The following SARS1 variants were observed in gnomAD, a reference collection of about 807,000 sequenced individuals.
SARS1 encodes seryl-tRNA synthetase 1, also known as serine--tRNA ligase, cytoplasmic.
SARS1 carries 25 observed loss-of-function variants against 63.7 expected under a neutral mutation model. The ratio of observed to expected loss-of-function variants is 0.39; its 90% confidence interval spans 0.29 to 0.55. SARS1 has a LOEUF of 0.55. Ranked by LOEUF, SARS1 falls within the 20% of genes least tolerant of loss-of-function variation. The pLI is 0.62. For synonymous variants in SARS1, 231 were observed against 243.5 expected (o/e 0.95, Z 0.48); for missense variants, 417 against 649.7 (o/e 0.64, Z 3.89).
chr1:109,235,737 C>T lies in SARS1; in HGVS notation c.970-240C>T, dbSNP rs757866387. Among the ~76,000 whole-genome samples the T allele has an allele frequency of 6.6e-6, 1 of 152,144 alleles. No individual in the cohort carries two copies. Among genetic ancestry groups the T allele is most frequent in the Non-Finnish European group, 1.5e-5 (1 of 68,018 alleles). ...GCCTGCCTCACCAGGCCTATTGTGG[C>T]CTATTGTGAGGATTATCCCAGTCAC... On this transcript the variant is annotated intron_variant, in intron 7 of 10. Transcript: ENST00000234677. The surrounding 1 kb of genome is among the most constrained non-coding windows in gnomAD (Gnocchi z 4.7).
intron 1 of SARS1, among the ~76,000 whole-genome samples, chr1:109,219,606 G>A (rs3118502): frequency 0.72 from 109,325 of 150,950 alleles, 41,033 homozygotes; most frequent in East Asian, 0.93. Context: ...TCCGCCTCCC[G>A]GGCTCACACC....
rs1461907081 is a variant in SARS1, at chr1:109,235,178, C to G, written c.748-32C>G. 1 of 1,560,176 alleles carries G rather than the reference C, an allele frequency of 6.4e-7. No homozygotes were observed. On this transcript the variant is annotated intron_variant, in intron 6 of 10. Transcript: ENST00000234677. The surrounding 1 kb of genome is among the most constrained non-coding windows in gnomAD (Gnocchi z 4.7). The stretch of plus-strand genomic sequence containing the variant: ...TTCTAGCCAAGGTCCTCCCCACTTC[C>G]TCTTAACTGGTATAGCTCCTTCCTT...
intron 6 of SARS1, among the ~76,000 whole-genome samples, chr1:109,233,862 A>ATTTTTTTTTTTTT (rs1164453054): frequency 3.0e-5 from 2 of 65,968 alleles, no homozygotes; most frequent in Non-Finnish European, 5.4e-5. Flanking sequence ...CACCTGGCTA[A>ATTTTTTTTTTTTT]TTTTTTTTTT....
intron 1 of SARS1, among the ~76,000 whole-genome samples, chr1:109,219,262 C>CATATATATAGATATATATATATATAT (rs1654866336): frequency 1.3e-5 from 1 of 76,936 alleles, no homozygotes; most frequent in Non-Finnish European, 2.8e-5. Flanking sequence ...CAAGACTCTC[C>CATATATATAGATATATATATATATAT]ATATATATAT....
At chr1:109,226,067 A>C (rs1006081928) in intron 2 of SARS1, among the ~76,000 whole-genome samples, 4 of 151,264 alleles carry the variant, frequency 2.6e-5, no homozygotes, top group African/African-American at 9.7e-5. Flanking sequence ...ATCATGGCTC[A>C]CTGCAGCCTC....
At chr1:109,227,917 CAA>C (rs5776968) in intron 2 of SARS1, among the ~76,000 whole-genome samples, 35 of 121,820 alleles carry the variant, frequency 2.9e-4, no homozygotes, top group African/African-American at 1.9e-4. Flanking sequence ...GAGACTCCGT[CAA>C]AAAAAAAAAA....
Position 109,231,669 on chromosome 1 carries a change from T to C in SARS1, c.630T>C (p.Tyr210=). ...TCCTGGAACAGGCTCTCATCCAGTA[T>C]GCCCTTCGCACCTTGGGAAGTCGGG... ...LVFLEQALIQ[Y]ALRTLGSRGY... Residue 210 remains tyrosine (Y), a synonymous_variant, in exon 6 of 11, where the codon TAT becomes TAC. Transcript: ENST00000234677. 3.8e-6 allele frequency: 6 copies of C among 1,583,298 alleles called. No homozygotes were observed. The highest frequency in any genetic ancestry group is 5.1e-6 in the Non-Finnish European group (6 of 1,166,656).
Position 109,237,062 on chromosome 1 carries a change from T to C in SARS1, c.1258-182T>C. 2.5e-6 allele frequency: 3 copies of C among 1,208,274 alleles called. No individual in the cohort carries two copies. Among genetic ancestry groups the C allele is most frequent in the Non-Finnish European group, 3.4e-6 (3 of 884,148 alleles). The allele number at this position is 1,208,274 out of a possible 1,614,324, so 74.8% of individuals were successfully genotyped here. On this transcript the variant is annotated intron_variant, in intron 9 of 10. Transcript: ENST00000234677. The surrounding 1 kb of genome is among the most constrained non-coding windows in gnomAD (Gnocchi z 4.1). Reference sequence around the variant, plus strand: ...AACATGAGGGATCTTTCTGCAGTTATCTAATAGGCAATAAATACCAAATAA... The same window carrying C: ...AACATGAGGGATCTTTCTGCAGTTACCTAATAGGCAATAAATACCAAATAA...
intron 1 of SARS1, chr1:109,216,121 A>T (rs1654779810): frequency 1.0e-6 from 1 of 985,450 alleles, no homozygotes; most frequent in African/African-American, 1.7e-5. Flanking sequence ...CAACTGCCCA[A>T]GGTAGACACT....
At chr1:109,219,190 C>T (rs1174809810) in intron 1 of SARS1, among the ~76,000 whole-genome samples, 2 of 144,426 alleles carry the variant, frequency 1.4e-5, no homozygotes, top group Non-Finnish European at 3.0e-5. Context: ...GGCATGAACC[C>T]AGGAGGCGGA....
At position 109,229,518 on chromosome 1, in the gene SARS1, C is replaced by T; in HGVS notation, c.393C>T (p.Asn131=). The T allele has an allele frequency of 6.2e-7, 1 of 1,614,196 alleles. No homozygotes were observed. The highest frequency in any genetic ancestry group is 8.5e-7 in the Non-Finnish European group (1 of 1,180,036). The change falls in exon 4 of 11, where the codon AAC becomes AAT. Residue 131 remains asparagine, a synonymous_variant. Transcript: ENST00000234677. Reference sequence around the variant, plus strand: ...AGTTGGAAGCAGAGCGGTTTGAGAACCTCCGAGAGATTGGGAACCTTCTGC... The same window carrying T: ...AGTTGGAAGCAGAGCGGTTTGAGAATCTCCGAGAGATTGGGAACCTTCTGC... The part of the protein sequence containing the change: ...RIKLEAERFE[N]LREIGNLLHP...
In SARS1 at chr1:109,237,743, T is replaced by G; in HGVS notation, c.1400T>G (p.Leu467Arg). 2 of 1,614,128 alleles carry G rather than the reference T, an allele frequency of 1.2e-6. No individual in the cohort carries two copies. Among genetic ancestry groups the G allele is most frequent in the Non-Finnish European group, 1.7e-6 (2 of 1,180,022 alleles). The part of the protein sequence containing the change: ...KEFMPPGLQE[L>R]IPFVKPAPIE... Reference sequence around the variant, plus strand: ...TCTTCCCTCCCAGGACTGCAAGAACTGATCCCCTTTGTGAAGCCTGCGCCC... The same window carrying G: ...TCTTCCCTCCCAGGACTGCAAGAACGGATCCCCTTTGTGAAGCCTGCGCCC... Residue 467 changes from leucine (L) to arginine (R), a missense_variant, in exon 11 of 11, where the codon CTG becomes CGG. Leu to Arg is a moderately radical substitution (Grantham distance 102). Transcript: ENST00000234677. The surrounding 1 kb of genome is among the most constrained non-coding windows in gnomAD (Gnocchi z 4.1).
At chr1:109,228,156 T>A (rs1026414727) in intron 2 of SARS1, among the ~76,000 whole-genome samples, 196 bp from the exon 3 acceptor site, 2 of 152,210 alleles carry the variant, frequency 1.3e-5, no homozygotes, top group Non-Finnish European at 2.9e-5. Context: ...AGTGGCAGCA[T>A]AGGGAGGGGC....
At chr1:109,232,473 G>A (rs1377533856) in intron 6 of SARS1, among the ~76,000 whole-genome samples, 1 of 152,188 alleles carries the variant, frequency 6.6e-6, no homozygotes, top group Admixed American at 6.5e-5. Flanking sequence ...CAGAAATAGG[G>A]ACTTAGTTCC....
chr1:109,231,938 A>T, intron 6 of SARS1, 152 bp downstream of exon 6: 1 of 567,386 alleles, frequency 1.8e-6, no homozygotes. Context: ...GGGTGGTGCA[A>T]TGGAGGAAGC....
chr1:109,227,558 C>T (rs1196264549), intron 2 of SARS1, among the ~76,000 whole-genome samples: 1 of 152,058 alleles, frequency 6.6e-6, no homozygotes, highest in African/African-American at 2.4e-5. Context: ...TTCCATCCAT[C>T]TTTCACCCTT....
Position 109,226,995 on chromosome 1 carries a change from CTT to C in SARS1, c.208-1340_208-1339del, listed in dbSNP as rs562155510. On this transcript the variant is annotated intron_variant, in intron 2 of 10. Coordinates refer to ENST00000234677, the MANE Select transcript of SARS1 (RefSeq NM_006513.4). ...GACCTTTGACTAACTTTCTTTAACT[CTT>C]TTTTTTTTTTTTTTTTGAGACAGAG... Among the ~76,000 whole-genome samples the C allele has an allele frequency of 9.0e-3, 1,178 of 131,178 alleles. 11 individuals are homozygous for C. The highest frequency in any genetic ancestry group is 0.032 in the African/African-American group (1,116 of 34,354). The allele number at this position is 131,178 out of a possible 152,430, so 86.1% of individuals were successfully genotyped here. A position where few individuals can be genotyped will look rare whatever the true frequency, so the allele number is the denominator to read the frequency against.
At chr1:109,233,208 A>G (rs1655242672) in intron 6 of SARS1, among the ~76,000 whole-genome samples, 1 of 151,982 alleles carries the variant, frequency 6.6e-6, no homozygotes, top group African/African-American at 2.4e-5. Context: ...ACAGGGTCTC[A>G]CTATGTTGCC....
At chr1:109,231,885 A>T (rs1655219659) in intron 6 of SARS1, 99 bp downstream of exon 6, 1 of 1,031,824 alleles carries the variant, frequency 9.7e-7, no homozygotes, top group Non-Finnish European at 1.3e-6. Context: ...TTCTGCGATG[A>T]TGGAAACGTT....
Sources: allele counts gnomAD v4.1 joint callset (sites outside exome capture counted in the v4.1 genomes callset), GRCh38; gene constraint gnomAD v4.1.1; non-coding constraint Gnocchi (gnomAD v3.1); transcripts MANE v1.5; gene names NCBI Gene and HGNC (gene_info 2026-07-23, HGNC 2026-07-21).